The following KHSRP variants were observed in gnomAD, a reference collection of about 807,000 sequenced individuals.
KHSRP encodes the protein far upstream element-binding protein 2.
A neutral mutation model predicts 94.9 loss-of-function variants in KHSRP; 13 were observed. The observed-to-expected ratio is 0.14, with a 90% CI of 0.09 to 0.22. The LOEUF (loss-of-function observed/expected upper bound fraction) is 0.22. Among genes scored for constraint, KHSRP ranks in the 10% least tolerant of loss-of-function variants. KHSRP has a pLI of 1.00. For missense variants in KHSRP, 710 were observed against 1,010.0 expected (o/e 0.70, Z 4.03); for synonymous variants, 495 against 401.4 (o/e 1.23, Z -2.79).
rs756831404 is a variant in KHSRP, at chr19:6,414,278, TG to T, written c.*745del. ...AGGCTGGAAGGACGTGCTTGTTAAC[TG>T]TCTAGCCAGGTGCTCGCGGGACTCG... On this transcript the variant is annotated 3_prime_UTR_variant, in exon 19 of 19. Transcript: ENST00000600480. 3.3e-5 allele frequency: 47 copies of T among 1,424,670 alleles called. No individual in the cohort carries two copies. The highest frequency in any genetic ancestry group is 4.0e-5 in the Non-Finnish European group (43 of 1,083,262). The allele number at this position is 1,424,670 out of a possible 1,614,324, so 88.3% of individuals were successfully genotyped here. A position where few individuals can be genotyped will look rare whatever the true frequency, so the allele number is the denominator to read the frequency against.
chr19:6,417,740 T>G lies in KHSRP; in HGVS notation c.1080A>C (p.Gln360His). The G allele has an allele frequency of 6.2e-7, 1 of 1,613,448 alleles. No homozygotes were observed. The highest frequency in any genetic ancestry group is 2.2e-5 in the East Asian group (1 of 44,872). Residue 360 changes from glutamine to histidine, a missense_variant and splice_region_variant, in exon 11 of 19, where the codon CAA becomes CAC. Transcript: ENST00000600480. Reference sequence around the variant, plus strand: ...GGGCAGGGTGGGCCAGGCCCTGACCTTGCTTGAACTGTATCCGCACGCCAG... The same window carrying G: ...GGGCAGGGTGGGCCAGGCCCTGACCGTGCTTGAACTGTATCCGCACGCCAG... Reference protein sequence around the residue: ...NDAGVRIQFKQDDGTGPEKIA... With the variant: ...NDAGVRIQFKHDDGTGPEKIA...
Position 6,414,386 on chromosome 19 carries a change from G to C in KHSRP, c.*638C>G. ...GGGGCCGCGGAGGGCGGAGGCGCTA[G>C]GGTCGTAGGGGAGCTGCCCTGTCTC... On this transcript the variant is annotated 3_prime_UTR_variant, in exon 19 of 19. Coordinates refer to ENST00000600480, the MANE Select transcript of KHSRP (RefSeq NM_001366299.1). 3.8e-6 allele frequency: 5 copies of C among 1,317,496 alleles called. No individual in the cohort carries two copies. Among genetic ancestry groups the C allele is most frequent in the South Asian group, 2.3e-5 (1 of 42,956 alleles). The allele number at this position is 1,317,496 out of a possible 1,614,324, so 81.6% of individuals were successfully genotyped here.
chr19:6,421,496 G>C (rs2092194785), intron 3 of KHSRP, 154 bp downstream of exon 3: 2 of 1,032,642 alleles, frequency 1.9e-6, no homozygotes, highest in Admixed American at 4.2e-5. Context: ...CTCAATTTCA[G>C]GGTTCCTGGG....
At position 6,414,555 on chromosome 19, in the gene KHSRP, C is replaced by T. The variant is rs1201444270; in HGVS notation, c.*469G>A. On this transcript the variant is annotated 3_prime_UTR_variant, in exon 19 of 19. Coordinates refer to ENST00000600480, the MANE Select transcript of KHSRP (RefSeq NM_001366299.1). Reference sequence around the variant, plus strand: ...CAGACAAGCCCGGGACACAGGCAAGCGCGAGCGCATGGGAGGCTGAGCCCG... The same window carrying T: ...CAGACAAGCCCGGGACACAGGCAAGTGCGAGCGCATGGGAGGCTGAGCCCG... 2.9e-6 allele frequency: 3 copies of T among 1,023,786 alleles called. No homozygotes were observed. Among genetic ancestry groups the T allele is most frequent in the East Asian group, 9.5e-5 (1 of 10,540 alleles). 63.4% of individuals were successfully genotyped at this position (1,023,786 alleles called of 1,614,324 possible).
At position 6,414,657 on chromosome 19, in the gene KHSRP, T is replaced by C; in HGVS notation, c.*367A>G. 9.9e-7 allele frequency: 1 copy of C among 1,012,986 alleles called. No individual in the cohort carries two copies. The highest frequency in any genetic ancestry group is 5.5e-5 in the Admixed American group (1 of 18,084). The allele number at this position is 1,012,986 out of a possible 1,614,324, so 62.7% of individuals were successfully genotyped here. ...GCCAGGCCGCCTGCAACACAGTCAC[T>C]TGGACACAGGAAAAAAGATCATGGG... On this transcript the variant is annotated 3_prime_UTR_variant, in exon 19 of 19. Transcript: ENST00000600480.
intron 1 of KHSRP, 107 bp from the exon 2 acceptor site, chr19:6,422,543 T>TTG: frequency 1.3e-6 from 1 of 792,344 alleles, no homozygotes; most frequent in Non-Finnish European, 2.1e-6. Flanking sequence ...CCATCAGGTC[T>TTG]TGGTGTCTGG....
chr19:6,421,162 C>T, intron 4 of KHSRP, 116 bp downstream of exon 4: 1 of 921,828 alleles, frequency 1.1e-6, no homozygotes, highest in Non-Finnish European at 1.7e-6. Flanking sequence ...GGTCAACTGG[C>T]ACTGGGGGAT....
At position 6,417,068 on chromosome 19, in the gene KHSRP, C is replaced by T. The variant is rs756817908; in HGVS notation, c.1101G>A (p.Glu367=). 5.0e-6 allele frequency: 8 copies of T among 1,612,396 alleles called. No homozygotes were observed. Among genetic ancestry groups the T allele is most frequent in the Non-Finnish European group, 6.8e-6 (8 of 1,179,788 alleles). The change falls in exon 12 of 19, where the codon GAG becomes GAA. Residue 367 remains glutamate, a synonymous_variant. Coordinates refer to ENST00000600480, the MANE Select transcript of KHSRP (RefSeq NM_001366299.1). Reference sequence around the variant, plus strand: ...GGGGCCCCATTATATGAGCAATCTTCTCGGGCCCTGTCCCGTCATCTGAGG... The same window carrying T: ...GGGGCCCCATTATATGAGCAATCTTTTCGGGCCCTGTCCCGTCATCTGAGG... ...QFKQDDGTGP[E]KIAHIMGPPD...
Position 6,414,382 on chromosome 19 carries a change from G to C in KHSRP, c.*642C>G. On this transcript the variant is annotated 3_prime_UTR_variant, in exon 19 of 19. Transcript: ENST00000600480. ...GAGAGGGGCCGCGGAGGGCGGAGGC[G>C]CTAGGGTCGTAGGGGAGCTGCCCTG... is the stretch of plus-strand genomic sequence containing the variant. 1.5e-6 allele frequency: 2 copies of C among 1,331,938 alleles called. No individual in the cohort carries two copies. Among genetic ancestry groups the C allele is most frequent in the Non-Finnish European group, 1.9e-6 (2 of 1,040,008 alleles). The allele number at this position is 1,331,938 out of a possible 1,614,324, so 82.5% of individuals were successfully genotyped here.
chr19:6,419,383 A>T (rs1809255173), intron 6 of KHSRP, 123 bp from the exon 7 acceptor site: 2 of 821,016 alleles, frequency 2.4e-6, no homozygotes, highest in Non-Finnish European at 3.7e-6. Context: ...TGCCTGACAG[A>T]TCAGTTTACT....
At chr19:6,421,014 C>G in intron 4 of KHSRP, 1 of 511,842 alleles carries the variant, frequency 2.0e-6, no homozygotes, top group Non-Finnish European at 3.5e-6. Context: ...GTCCCCACCC[C>G]AGCGGAGGAA....
chr19:6,420,703 G>A (rs1274502689), intron 4 of KHSRP, among the ~76,000 whole-genome samples: 1 of 152,278 alleles, frequency 6.6e-6, no homozygotes. Context: ...AGGGAGCACT[G>A]AGTAGCAAGC....
Position 6,418,405 on chromosome 19 carries a change from C to G in KHSRP, c.879+78G>C. ...GTTCACATATCTCTCTGGCGGAATG[C>G]AGACCCCGAGACCGCTGGCCCTGCC... On this transcript the variant is annotated intron_variant, in intron 9 of 18. Transcript: ENST00000600480. The surrounding 1 kb of genome is among the most constrained non-coding windows in gnomAD (Gnocchi z 4.3). The G allele has an allele frequency of 9.8e-7, 1 of 1,023,646 alleles. No individual in the cohort carries two copies. Among genetic ancestry groups the G allele is most frequent in the Non-Finnish European group, 1.5e-6 (1 of 664,652 alleles). The allele number at this position is 1,023,646 out of a possible 1,614,324, so 63.4% of individuals were successfully genotyped here.
In KHSRP at chr19:6,424,570, ACCG is replaced by A; in HGVS notation, c.129_131del (p.Gly44del). 5 of 913,098 alleles carry A rather than the reference ACCG, an allele frequency of 5.5e-6. No individual in the cohort carries two copies. The highest frequency in any genetic ancestry group is 6.5e-6 in the Non-Finnish European group (5 of 774,738). 56.6% of individuals were successfully genotyped at this position (913,098 alleles called of 1,614,324 possible). A position where few individuals can be genotyped will look rare whatever the true frequency, so the allele number is the denominator to read the frequency against. ...CCCCGCCCGGGCCGCCGCCGCCGGG[ACCG>A]CCGCCGCCCCGGTCCCCCGCGCCTG... On this transcript the variant is annotated inframe_deletion, in exon 1 of 19. Transcript: ENST00000600480.
intron 15 of KHSRP, 150 bp downstream of exon 15, chr19:6,416,148 C>T (rs2092144511): frequency 4.5e-6 from 3 of 670,398 alleles, no homozygotes; most frequent in South Asian, 4.0e-5. Context: ...TACCAGTAGA[C>T]AGGAGAGGGC....
chr19:6,418,819 T>C lies in KHSRP; in HGVS notation c.663A>G (p.Gly221=), dbSNP rs1357487857. ...IVSRGRGGPP[G]QFHDNANGGQ... ...CCCCGTTGGCGTTGTCGTGGAACTG[T>C]CCTGGGGGGCCCCCACGACCCCGAG... The change falls in exon 8 of 19, where the codon GGA becomes GGG. Residue 221 remains glycine (G), a synonymous_variant. Coordinates refer to ENST00000600480, the MANE Select transcript of KHSRP (RefSeq NM_001366299.1). This position sits in a 1 kb window ranked among gnomAD's most constrained non-coding sequence, Gnocchi z 4.3. 6.4e-7 allele frequency: 1 copy of C among 1,570,452 alleles called. No individual in the cohort carries two copies. The highest frequency in any genetic ancestry group is 8.6e-7 in the Non-Finnish European group (1 of 1,163,430).
intron 2 of KHSRP, 111 bp downstream of exon 2, chr19:6,422,229 A>G (rs1342446209): frequency 5.8e-6 from 4 of 693,432 alleles, no homozygotes; most frequent in Non-Finnish European, 1.0e-5. Flanking sequence ...CTGAGGTTTT[A>G]AAAGACCAAA....
intron 11 of KHSRP, 34 bp from the exon 12 acceptor site, chr19:6,417,121 T>C: frequency 6.4e-7 from 1 of 1,551,530 alleles, no homozygotes; most frequent in Non-Finnish European, 8.7e-7. Context: ...GAGACACAAG[T>C]TTAAAAGAAG....
chr19:6,414,504 T>C lies in KHSRP; in HGVS notation c.*520A>G. 11 of 1,061,348 alleles carry C rather than the reference T, an allele frequency of 1.0e-5. No individual in the cohort carries two copies. The highest frequency in any genetic ancestry group is 1.3e-5 in the Non-Finnish European group (11 of 879,198). 65.7% of individuals were successfully genotyped at this position (1,061,348 alleles called of 1,614,324 possible). A position where few individuals can be genotyped will look rare whatever the true frequency, so the allele number is the denominator to read the frequency against. ...CACCCCTGTGAGGTAGGTTGGAAGG[T>C]GGCAACGATCTTCACGCCCACTTCA... On this transcript the variant is annotated 3_prime_UTR_variant, in exon 19 of 19. Transcript: ENST00000600480.
Sources: gnomAD v4.1 joint callset for allele counts (sites outside exome capture counted in the v4.1 genomes callset) on GRCh38, gnomAD v4.1.1 for gene constraint, Gnocchi (gnomAD v3.1) non-coding constraint, MANE v1.5 for transcripts, NCBI Gene and HGNC (gene_info 2026-07-23, HGNC 2026-07-21) for gene names.